The following ANO2 variants were observed in gnomAD, a reference collection of about 807,000 sequenced individuals.
ANO2 encodes anoctamin 2, also known as anoctamin-2.
A neutral mutation model predicts 124.2 loss-of-function variants in ANO2; 101 were observed. The observed-to-expected ratio is 0.81, with a 90% CI of 0.69 to 0.96. The LOEUF (loss-of-function observed/expected upper bound fraction) is 0.96, where lower values mean the gene tolerates loss of function less well. Ranked by LOEUF, ANO2 falls within the 40% of genes least tolerant of loss-of-function variation. ANO2 has a pLI of 0.00. For synonymous variants in ANO2, 486 were observed against 482.5 expected (o/e 1.01, Z -0.09); for missense variants, 1,293 against 1,274.5 (o/e 1.01, Z -0.22).
chr12:5,816,983 AG>A (rs1262156959), intron 7 of ANO2, among the ~76,000 whole-genome samples: 2 of 152,238 alleles, frequency 1.3e-5, no homozygotes, highest in African/African-American at 4.8e-5. Context: ...AATGTCAAAA[AG>A]GAAAGACAAA....
intron 14 of ANO2, among the ~76,000 whole-genome samples, chr12:5,702,749 GACACAAAAAC>G (rs1193345193): frequency 1.3e-5 from 2 of 152,084 alleles, no homozygotes; most frequent in African/African-American, 4.8e-5. Flanking sequence ...CATTTCTTAA[GACACAAAAAC>G]ATACAAATCG....
chr12:5,822,328 G>A (rs550508235), intron 7 of ANO2, among the ~76,000 whole-genome samples: 46 of 152,344 alleles, frequency 3.0e-4, no homozygotes, highest in African/African-American at 1.0e-3. Flanking sequence ...GTCAAAAACT[G>A]TGAAGATATT....
intron 3 of ANO2, among the ~76,000 whole-genome samples, chr12:5,873,672 G>A (rs1305359381): frequency 1.3e-5 from 2 of 152,252 alleles, no homozygotes; most frequent in Admixed American, 6.5e-5. Flanking sequence ...CAAATGAGGT[G>A]TTTCTGTCAA....
chr12:5,817,393 G>A (rs1394140582), intron 7 of ANO2, among the ~76,000 whole-genome samples: 1 of 152,210 alleles, frequency 6.6e-6, no homozygotes, highest in African/African-American at 2.4e-5. Context: ...CAAATCAACT[G>A]AGTAGAATGT....
intron 11 of ANO2, among the ~76,000 whole-genome samples, chr12:5,748,884 A>C (rs568854796): frequency 1.7e-3 from 264 of 151,062 alleles, no homozygotes; most frequent in African/African-American, 4.9e-3. Context: ...AAAAAAAAAA[A>C]AAAACAAAAC....
chr12:5,650,210 G>A (rs1238915334), intron 14 of ANO2, among the ~76,000 whole-genome samples: 2 of 152,162 alleles, frequency 1.3e-5, no homozygotes, highest in Non-Finnish European at 2.9e-5. Context: ...GGAGCTCAGA[G>A]ACCACCAAGG....
At chr12:5,683,044 C>T (rs1230277251) in intron 14 of ANO2, among the ~76,000 whole-genome samples, 3 of 152,142 alleles carry the variant, frequency 2.0e-5, no homozygotes, top group South Asian at 2.1e-4. Flanking sequence ...CCAAGCCTGC[C>T]TCTTCTCTGC....
At chr12:5,596,922 A>G (rs1184819144) in intron 20 of ANO2, among the ~76,000 whole-genome samples, 2 of 152,002 alleles carry the variant, frequency 1.3e-5, no homozygotes, top group African/African-American at 4.8e-5. Context: ...CAATCCTATT[A>G]TATTATTATC....
chr12:5,643,085 C>T (rs1591805698), intron 15 of ANO2, among the ~76,000 whole-genome samples: 1 of 151,980 alleles, frequency 6.6e-6, no homozygotes, highest in African/African-American at 2.4e-5. Flanking sequence ...CACACACACA[C>T]ACAATGAATA....
intron 14 of ANO2, among the ~76,000 whole-genome samples, chr12:5,710,911 C>G (rs1949788406): frequency 6.6e-6 from 1 of 152,142 alleles, no homozygotes; most frequent in Non-Finnish European, 1.5e-5. Context: ...CCTGTAATCC[C>G]AGCACTTTGG....
At chr12:5,830,746 C>G (rs1026036129) in intron 5 of ANO2, among the ~76,000 whole-genome samples, 2 of 152,094 alleles carry the variant, frequency 1.3e-5, no homozygotes, top group Admixed American at 1.3e-4. Context: ...GTATTTATAA[C>G]AAAGATTATA....
At chr12:5,606,390 C>T (rs950211404) in intron 19 of ANO2, among the ~76,000 whole-genome samples, 9 of 152,184 alleles carry the variant, frequency 5.9e-5, no homozygotes, top group Admixed American at 2.6e-4. Context: ...TTGACAACTG[C>T]CAGGGCTTGC....
intron 14 of ANO2, among the ~76,000 whole-genome samples, chr12:5,650,645 G>A (rs1946873939): frequency 1.3e-5 from 2 of 152,140 alleles, no homozygotes; most frequent in African/African-American, 4.8e-5. Context: ...ACAATACGAA[G>A]ACTTGCAGCA....
chr12:5,787,180 A>G lies in ANO2; in HGVS notation c.1055+12327T>C, dbSNP rs545158951. On this transcript the variant is annotated intron_variant, in intron 10 of 24. Coordinates refer to ENST00000682330, the MANE Select transcript of ANO2 (RefSeq NM_001364791.2). This position sits in a 1 kb window ranked among gnomAD's most constrained non-coding sequence, Gnocchi z 4.2. ...ATAGGAGGAAACCATCCTGTTAGACACAAAAAGCACAATCCCAGTTCCTTT... is the reference window on the plus strand; with the variant it reads ...ATAGGAGGAAACCATCCTGTTAGACGCAAAAAGCACAATCCCAGTTCCTTT... Among the ~76,000 whole-genome samples, 1 of 152,326 alleles carries G rather than the reference A, an allele frequency of 6.6e-6. No individual in the cohort carries two copies. Among genetic ancestry groups the G allele is most frequent in the African/African-American group, 2.4e-5 (1 of 41,564 alleles).
At chr12:5,643,878 T>C (rs1157423002) in intron 15 of ANO2, among the ~76,000 whole-genome samples, 1 of 152,212 alleles carries the variant, frequency 6.6e-6, no homozygotes, top group Non-Finnish European at 1.5e-5. Flanking sequence ...TTGTACTGAA[T>C]TACTGTTTTC....
chr12:5,761,240 T>A (rs1175596158), intron 10 of ANO2, among the ~76,000 whole-genome samples: 10 of 152,060 alleles, frequency 6.6e-5, no homozygotes, highest in African/African-American at 1.9e-4. Context: ...AATGTAAATA[T>A]CTAAGGAGTT....
At chr12:5,738,069 A>G (rs538792145) in intron 13 of ANO2, among the ~76,000 whole-genome samples, 7 of 152,178 alleles carry the variant, frequency 4.6e-5, no homozygotes, top group African/African-American at 1.7e-4. Context: ...GAGAAAGGCT[A>G]TATCATTACA....
At chr12:5,816,196 C>T (rs186703423) in intron 7 of ANO2, among the ~76,000 whole-genome samples, 312 of 151,060 alleles carry the variant, frequency 2.1e-3, no homozygotes, top group African/African-American at 6.7e-3. Context: ...GAATATAAGC[C>T]GATTCTAGTC....
At position 5,582,989 on chromosome 12, in the gene ANO2, T is replaced by A. The variant is rs117726329; in HGVS notation, c.2234-4471A>T. On this transcript the variant is annotated intron_variant, in intron 20 of 24. Transcript: ENST00000682330. ...ATGCCTTGACACGCCTCTCTGTTTA[T>A]TTGACCTGCTCCCTAGATGGAAAGC... is the stretch of plus-strand genomic sequence containing the variant. Among the ~76,000 whole-genome samples, 1,365 of 152,284 alleles carry A rather than the reference T, an allele frequency of 9.0e-3. 7 individuals carry two copies. Among genetic ancestry groups the A allele is most frequent in the Non-Finnish European group, 0.013 (866 of 68,014 alleles).
Sources: allele counts gnomAD v4.1 joint callset (sites outside exome capture counted in the v4.1 genomes callset), GRCh38; gene constraint gnomAD v4.1.1; non-coding constraint Gnocchi (gnomAD v3.1); transcripts MANE v1.5; gene names NCBI Gene and HGNC (gene_info 2026-07-23, HGNC 2026-07-21).